Variants in NDUFS6 observed in about 807,000 individuals in gnomAD.
NDUFS6 encodes NADH dehydrogenase [ubiquinone] iron-sulfur protein 6, mitochondrial.
NDUFS6 carries 14 observed loss-of-function variants against 13.2 expected under a neutral mutation model. The observed-to-expected ratio is 1.06, with a 90% CI of 0.70 to 1.66. The LOEUF is 1.66. NDUFS6 is among the 40% of genes most tolerant of loss of function. The probability of loss-of-function intolerance (pLI) is 0.00; values close to 1 mark genes in which losing one functional copy is unlikely to be tolerated. For synonymous variants in NDUFS6, 95 were observed against 72.3 expected (o/e 1.31, Z -1.60); for missense variants, 206 against 170.8 (o/e 1.21, Z -1.15).
At chr5:1,808,079 C>A (rs1734155623) in intron 2 of NDUFS6, among the ~76,000 whole-genome samples, 1 of 152,176 alleles carries the variant, frequency 6.6e-6, no homozygotes, top group Non-Finnish European at 1.5e-5. Context: ...ATTGAGGGGC[C>A]TCGGAATTCC....
intron 2 of NDUFS6, among the ~76,000 whole-genome samples, chr5:1,804,394 G>A (rs757924520): frequency 6.6e-6 from 1 of 152,244 alleles, no homozygotes; most frequent in Non-Finnish European, 1.5e-5. Context: ...CAGGATTGGC[G>A]AAGCCAGTGA....
At chr5:1,808,137 TG>T (rs1734156719) in intron 2 of NDUFS6, among the ~76,000 whole-genome samples, 1 of 152,240 alleles carries the variant, frequency 6.6e-6, no homozygotes, top group Admixed American at 6.5e-5. Context: ...GGTGGAGCTC[TG>T]TGCTTGCTTC....
chr5:1,806,168 G>A (rs1734118758), intron 2 of NDUFS6, among the ~76,000 whole-genome samples: 2 of 152,234 alleles, frequency 1.3e-5, no homozygotes, highest in South Asian at 2.1e-4. Flanking sequence ...CAGCAAACCC[G>A]GAACATCAGG....
At chr5:1,802,235 CT>C (rs1432890858) in intron 1 of NDUFS6, 85 bp from the exon 2 acceptor site, 36 of 1,301,410 alleles carry the variant, frequency 2.8e-5, no homozygotes, top group Non-Finnish European at 3.9e-5. Context: ...AAGAAAAACA[CT>C]TTCCTGTAAT....
Position 1,814,781 on chromosome 5 carries a change from G to T in NDUFS6, c.309+320G>T. 1 of 674,760 alleles carries T rather than the reference G, an allele frequency of 1.5e-6. No homozygotes were observed. Among genetic ancestry groups the T allele is most frequent in the Non-Finnish European group, 2.7e-6 (1 of 371,970 alleles). The allele number at this position is 674,760 out of a possible 1,614,324, so 41.8% of individuals were successfully genotyped here. A position where few individuals can be genotyped will look rare whatever the true frequency, so the allele number is the denominator to read the frequency against. On this transcript the variant is annotated intron_variant, in intron 3 of 3. Transcript: ENST00000274137. This position sits in a 1 kb window ranked among gnomAD's most constrained non-coding sequence, Gnocchi z 4.9. ...CAGGCTGCCACACACAGCACCGCAGGCTGGGGTCGAAAACAACAAACACAT... is the reference window on the plus strand; with the variant it reads ...CAGGCTGCCACACACAGCACCGCAGTCTGGGGTCGAAAACAACAAACACAT...
At chr5:1,808,090 A>AC (rs1192867267) in intron 2 of NDUFS6, among the ~76,000 whole-genome samples, 2 of 151,974 alleles carry the variant, frequency 1.3e-5, no homozygotes, top group Admixed American at 6.5e-5. Context: ...TCGGAATTCC[A>AC]CCCTCCGCCT....
At chr5:1,809,964 A>G (rs1033814131) in intron 2 of NDUFS6, among the ~76,000 whole-genome samples, 1 of 152,274 alleles carries the variant, frequency 6.6e-6, no homozygotes, top group African/African-American at 2.4e-5. Flanking sequence ...GTTTCTGGAA[A>G]TAGATCTTCA....
intron 2 of NDUFS6, among the ~76,000 whole-genome samples, chr5:1,807,896 T>C (rs1734151954): frequency 6.6e-6 from 1 of 152,066 alleles, no homozygotes; most frequent in African/African-American, 2.4e-5. Context: ...TTCCTAGGAC[T>C]TGGGGGGCAG....
intron 2 of NDUFS6, among the ~76,000 whole-genome samples, chr5:1,812,775 A>G (rs1308211437): frequency 4.6e-5 from 7 of 151,408 alleles, no homozygotes; most frequent in Admixed American, 1.3e-4. Flanking sequence ...TGTGTAGGCC[A>G]GGCTCAGTGG....
chr5:1,808,401 C>A (rs1734161145), intron 2 of NDUFS6, among the ~76,000 whole-genome samples: 1 of 152,150 alleles, frequency 6.6e-6, no homozygotes, highest in Admixed American at 6.5e-5. Flanking sequence ...TGGATAAGAA[C>A]CGTGGGTCTT....
At chr5:1,807,818 T>C (rs573800704) in intron 2 of NDUFS6, among the ~76,000 whole-genome samples, 7 of 152,344 alleles carry the variant, frequency 4.6e-5, no homozygotes, top group African/African-American at 1.7e-4. Context: ...ACAGGAGGGA[T>C]GCCACCAGAG....
intron 2 of NDUFS6, among the ~76,000 whole-genome samples, chr5:1,802,679 T>C (rs1448808654): frequency 6.6e-6 from 1 of 152,174 alleles, no homozygotes; most frequent in Non-Finnish European, 1.5e-5. Context: ...ATATCAACTT[T>C]AAAAAAATTA....
chr5:1,803,630 G>T (rs1243018052), intron 2 of NDUFS6, among the ~76,000 whole-genome samples: 1 of 152,232 alleles, frequency 6.6e-6, no homozygotes, highest in Non-Finnish European at 1.5e-5. Flanking sequence ...TCGAGTAAGT[G>T]GTGTATAGGG....
At chr5:1,802,035 A>C (rs1251304295) in intron 1 of NDUFS6, 6 of 466,612 alleles carry the variant, frequency 1.3e-5, no homozygotes, top group African/African-American at 2.0e-5. Flanking sequence ...ATGCCAAAGA[A>C]GGTTGGGGGC....
chr5:1,814,698 C>G lies in NDUFS6; in HGVS notation c.309+237C>G. The G allele has an allele frequency of 4.1e-6, 3 of 731,796 alleles. No individual in the cohort carries two copies. Among genetic ancestry groups the G allele is most frequent in the Non-Finnish European group, 7.3e-6 (3 of 411,854 alleles). The allele number at this position is 731,796 out of a possible 1,614,324, so 45.3% of individuals were successfully genotyped here. On this transcript the variant is annotated intron_variant, in intron 3 of 3. Transcript: ENST00000274137. This position sits in a 1 kb window ranked among gnomAD's most constrained non-coding sequence, Gnocchi z 4.9. The stretch of plus-strand genomic sequence containing the variant: ...GTGGTGGGCGGCATGTTTCTCTTCT[C>G]GGACGCCCAAGCGTCTTTCCTCTCT...
chr5:1,805,371 T>G (rs564576598), intron 2 of NDUFS6, among the ~76,000 whole-genome samples: 29 of 152,324 alleles, frequency 1.9e-4, no homozygotes, highest in Non-Finnish European at 4.0e-4. Flanking sequence ...GAACTTCACC[T>G]GTAGAACAAG....
intron 2 of NDUFS6, among the ~76,000 whole-genome samples, chr5:1,811,799 G>A (rs1386693491): frequency 1.3e-5 from 2 of 152,208 alleles, no homozygotes; most frequent in African/African-American, 2.4e-5. Context: ...TGATGTATCC[G>A]TCCATCAGGA....
chr5:1,808,968 C>T (rs745419275), intron 2 of NDUFS6, among the ~76,000 whole-genome samples: 5 of 152,138 alleles, frequency 3.3e-5, no homozygotes, highest in Admixed American at 1.3e-4. Context: ...TCTACAGTGT[C>T]GATGATCCAG....
intron 2 of NDUFS6, among the ~76,000 whole-genome samples, chr5:1,812,919 G>T (rs1037337163): frequency 6.6e-6 from 1 of 152,196 alleles, no homozygotes; most frequent in Non-Finnish European, 1.5e-5. Flanking sequence ...CGGACGTGGT[G>T]GCGGGTGCCT....
Sources: gnomAD v4.1 joint callset for allele counts (sites outside exome capture counted in the v4.1 genomes callset) on GRCh38, gnomAD v4.1.1 for gene constraint, Gnocchi (gnomAD v3.1) non-coding constraint, MANE v1.5 for transcripts, NCBI Gene and HGNC (gene_info 2026-07-23, HGNC 2026-07-21) for gene names.